The following GLMN variants were observed in gnomAD, a reference collection of about 807,000 sequenced individuals.
GLMN encodes glomulin.
Under a neutral mutation model 87.8 loss-of-function variants are expected in GLMN, and 75 were observed. The observed-to-expected ratio is 0.85, with a 90% CI of 0.71 to 1.04. The LOEUF (loss-of-function observed/expected upper bound fraction) is 1.04. Ranked by LOEUF, GLMN falls within the 50% of genes least tolerant of loss-of-function variation. The pLI, the probability that GLMN is intolerant of heterozygous loss-of-function variation, is 0.00. For missense variants in GLMN, 588 were observed against 658.8 expected, an observed-to-expected ratio of 0.89 and a Z score of 1.18; for synonymous variants, 206 against 221.6, an observed-to-expected ratio of 0.93 and a Z score of 0.63.
the GLMN span, among the ~76,000 whole-genome samples, chr1:92,344,183 G>C: frequency 6.6e-6 from 1 of 152,146 alleles, no homozygotes; most frequent in Non-Finnish European, 1.5e-5. Flanking sequence ...GCCGAGGCGG[G>C]TGGATCACTT....
chr1:92,275,189 C>T (rs1647196342), intron 7 of GLMN, among the ~76,000 whole-genome samples: 1 of 152,112 alleles, frequency 6.6e-6, no homozygotes, highest in Admixed American at 6.5e-5. Context: ...AAACCTTTAC[C>T]AGTTTCCTTA....
At chr1:92,277,969 AG>A (rs1002436598) in intron 7 of GLMN, among the ~76,000 whole-genome samples, 1 of 151,978 alleles carries the variant, frequency 6.6e-6, no homozygotes, top group Non-Finnish European at 1.5e-5. Flanking sequence ...TGGCATTGGA[AG>A]GGGGGGCAGT....
chr1:92,304,412 A>G, the GLMN span: 1 of 813,262 alleles, frequency 1.2e-6, no homozygotes, highest in Non-Finnish European at 1.9e-6. Flanking sequence ...CTATCCTAAC[A>G]AGGCATGGCA....
At chr1:92,326,975 C>G in the GLMN span, among the ~76,000 whole-genome samples, 2 of 152,188 alleles carry the variant, frequency 1.3e-5, no homozygotes, top group East Asian at 3.8e-4. Flanking sequence ...CAGGAGACTT[C>G]CTGTTCATTT....
At chr1:92,319,345 G>A in the GLMN span, among the ~76,000 whole-genome samples, 1 of 152,150 alleles carries the variant, frequency 6.6e-6, no homozygotes, top group Non-Finnish European at 1.5e-5. Context: ...GTGATTTTGG[G>A]CAAATTGCTT....
At chr1:92,297,325 G>A in intron 3 of GLMN, 79 bp downstream of exon 3, 1 of 1,560,914 alleles carries the variant, frequency 6.4e-7, no homozygotes, top group Non-Finnish European at 8.8e-7. Flanking sequence ...AATGTTTGAT[G>A]GATAAATGAC....
At chr1:92,256,618 G>A (rs543915763) in intron 16 of GLMN, among the ~76,000 whole-genome samples, 10 of 152,214 alleles carry the variant, frequency 6.6e-5, no homozygotes, top group South Asian at 6.2e-4. Context: ...ATCAATAAAC[G>A]TAATCCATTC....
chr1:92,263,021 G>T, intron 15 of GLMN, 95 bp from the exon 16 acceptor site: 2 of 598,780 alleles, frequency 3.3e-6, no homozygotes, highest in Non-Finnish European at 6.2e-6. Context: ...TTTATAATTA[G>T]GTTTGCCAAT....
At chr1:92,291,323 A>G (rs1649376666) in intron 4 of GLMN, 95 bp downstream of exon 4, 24 of 1,145,106 alleles carry the variant, frequency 2.1e-5, no homozygotes, top group Non-Finnish European at 2.6e-5. Context: ...TACTTTCATG[A>G]ACCAAAAGCT....
chr1:92,322,146 A>G, the GLMN span, among the ~76,000 whole-genome samples: 4 of 151,308 alleles, frequency 2.6e-5, no homozygotes, highest in Non-Finnish European at 4.4e-5. Context: ...GGGTTTCACT[A>G]TGTTGGCCAG....
chr1:92,345,554 A>G, the GLMN span, among the ~76,000 whole-genome samples: 7 of 151,136 alleles, frequency 4.6e-5, no homozygotes, highest in Non-Finnish European at 1.0e-4. Context: ...GTGTGTTTTA[A>G]TCAAGCAATT....
chr1:92,307,294 G>A, the GLMN span: 2 of 1,502,432 alleles, frequency 1.3e-6, no homozygotes, highest in South Asian at 1.2e-5. Context: ...AAGTCATTGT[G>A]TATATACATT....
chr1:92,309,290 A>C, the GLMN span, among the ~76,000 whole-genome samples: 1 of 151,900 alleles, frequency 6.6e-6, no homozygotes, highest in African/African-American at 2.4e-5. Flanking sequence ...AAAAATACAA[A>C]AATTAGCTGG....
At chr1:92,286,442 AGTGG>A in intron 7 of GLMN, 44 bp downstream of exon 7, 1 of 894,020 alleles carries the variant, frequency 1.1e-6, no homozygotes, top group South Asian at 1.3e-5. Context: ...CTGAGAATAT[AGTGG>A]GATAACATTT....
the GLMN span, among the ~76,000 whole-genome samples, chr1:92,313,398 G>A: frequency 2.6e-5 from 4 of 151,922 alleles, no homozygotes; most frequent in Non-Finnish European, 4.4e-5. Flanking sequence ...GAGTTCTTGG[G>A]TGGCTAGGTA....
At chr1:92,267,683 G>A (rs557297354) in intron 11 of GLMN, among the ~76,000 whole-genome samples, 8 of 148,162 alleles carry the variant, frequency 5.4e-5, no homozygotes, top group African/African-American at 1.0e-4. Context: ...CAACCTGGGC[G>A]ACACAGCAAG....
chr1:92,299,115 C>T (rs529594517), upstream of GLMN: 35 of 1,521,548 alleles, frequency 2.3e-5, no homozygotes, highest in African/African-American at 4.2e-4. Context: ...GCCGCAAGGC[C>T]GGGGCTCCCC....
chr1:92,268,205 A>T, intron 9 of GLMN, 70 bp from the exon 10 acceptor site: 2 of 839,882 alleles, frequency 2.4e-6, no homozygotes, highest in South Asian at 1.5e-5. Flanking sequence ...TCTTATGAAA[A>T]ATACAGCAAA....
At chr1:92,360,577 A>G in the GLMN span, among the ~76,000 whole-genome samples, 1 of 152,304 alleles carries the variant, frequency 6.6e-6, no homozygotes, top group Admixed American at 6.5e-5. Flanking sequence ...CTAGAGGGTA[A>G]CTGGTGGAAT....
Sources: gnomAD v4.1 joint callset for allele counts (sites outside exome capture counted in the v4.1 genomes callset) on GRCh38, gnomAD v4.1.1 for gene constraint, MANE v1.5 for transcripts, NCBI Gene and HGNC (gene_info 2026-07-23, HGNC 2026-07-21) for gene names.